Variants in BRMS1 observed in about 807,000 individuals in gnomAD.
The protein encoded by BRMS1 is BRMS1 transcriptional repressor and anoikis regulator, also known as breast cancer metastasis-suppressor 1.
BRMS1 carries 26 observed loss-of-function variants against 40.4 expected under a neutral mutation model. The ratio of observed to expected loss-of-function variants is 0.64; its 90% CI spans 0.47 to 0.89. The LOEUF is 0.89. Ranked by LOEUF, BRMS1 falls within the 40% of genes least tolerant of loss-of-function variation. BRMS1 has a pLI of 0.00. For synonymous variants in BRMS1, 103 were observed against 116.0 expected, an observed-to-expected ratio of 0.89 and a Z score of 0.72; for missense variants, 289 against 309.4, an observed-to-expected ratio of 0.93 and a Z score of 0.49.
chr11:66,338,277 C>T lies in BRMS1; in HGVS notation c.699G>A (p.Arg233=). The change falls in exon 9 of 10, where the codon AGG becomes AGA. Residue 233 remains arginine (R), a synonymous_variant. Coordinates refer to ENST00000359957, the MANE Select transcript of BRMS1 (RefSeq NM_015399.4). ...TTCTCTTCTGAGGGGACACAGCTGC[C>T]CTAGCCTGGGTGGGTGAGAAGAAAA... ...LEDWTAIKKA[R]AAVSPQKRKS... The T allele has an allele frequency of 6.2e-7, 1 of 1,610,208 alleles. No individual in the cohort carries two copies. The highest frequency in any genetic ancestry group is 1.1e-5 in the South Asian group (1 of 90,118).
intron 9 of BRMS1, 130 bp from the exon 10 acceptor site, chr11:66,338,019 C>T: frequency 8.3e-7 from 1 of 1,209,342 alleles, no homozygotes; most frequent in Non-Finnish European, 1.2e-6. Flanking sequence ...CCTCCCTGAC[C>T]CCTCCTGAGT....
chr11:66,340,301 T>C, intron 6 of BRMS1, 88 bp from the exon 7 acceptor site: 2 of 1,169,494 alleles, frequency 1.7e-6, no homozygotes, highest in Non-Finnish European at 2.5e-6. Context: ...TGGGCCGGCC[T>C]GGCCTCATCT....
At position 66,337,772 on chromosome 11, in the gene BRMS1, C is replaced by T. The variant is rs1486035948; in HGVS notation, c.*110G>A. On this transcript the variant is annotated 3_prime_UTR_variant, in exon 10 of 10. Transcript: ENST00000359957. ...GCCCAGCAGCACCACAGGAGCCTGG[C>T]TGGGCAGACCCTGAGGGGCCTGTGG... is the stretch of plus-strand genomic sequence containing the variant. The T allele has an allele frequency of 6.2e-7, 1 of 1,613,648 alleles. No homozygotes were observed. Among genetic ancestry groups the T allele is most frequent in the Non-Finnish European group, 8.5e-7 (1 of 1,179,872 alleles).
Position 66,340,218 on chromosome 11 carries a change from C to T in BRMS1, c.536-5G>A. 6.2e-7 allele frequency: 1 copy of T among 1,612,720 alleles called. No individual in the cohort carries two copies. The highest frequency in any genetic ancestry group is 8.5e-7 in the Non-Finnish European group (1 of 1,179,244). ...GCAGTTTGTCATCCCACCATTCTGC[C>T]CCGAGACCCAGAGTTAGAATTGGGG... is the stretch of plus-strand genomic sequence containing the variant. On this transcript the variant is annotated splice_region_variant and splice_polypyrimidine_tract_variant and intron_variant, in intron 6 of 9. Transcript: ENST00000359957.
chr11:66,342,047 G>A lies in BRMS1; in HGVS notation c.139+49C>T, dbSNP rs545331831. The A allele has an allele frequency of 6.0e-6, 9 of 1,504,360 alleles. 1 individual carries two copies. In the African/African-American group the frequency reaches 9.7e-5, roughly 16 times the overall value. 93.2% of individuals were successfully genotyped at this position (1,504,360 alleles called of 1,614,324 possible). On this transcript the variant is annotated intron_variant, in intron 2 of 9. Transcript: ENST00000359957. ...GGGCTGTGTGTGTGCATGTGTGTGT[G>A]TAGGGGCTCTGTGTGTGTGTGTGTG...
rs138145587 is a variant in BRMS1, at chr11:66,341,547, C to T, written c.216G>A (p.Ser72=). The part of the protein sequence containing the change: ...SEMLDLEKQF[S]ELKEKLFRER... ...CCCACGCTCACTTCTCCTTTAGCTC[C>T]GAGAACTGCTTCTCTAGGTCCAGCA... Residue 72 remains serine (S), a synonymous_variant, in exon 3 of 10, where the codon TCG becomes TCA. Transcript: ENST00000359957. This position sits in a 1 kb window ranked among gnomAD's most constrained non-coding sequence, Gnocchi z 4.9. 16 of 1,614,062 alleles carry T rather than the reference C, an allele frequency of 9.9e-6. No individual in the cohort carries two copies. The highest frequency in any genetic ancestry group is 4.5e-5 in the East Asian group (2 of 44,870).
rs775679389 is a variant in BRMS1 at position 66,342,115 on chromosome 11, CTCTG to C, written c.116_119del (p.Thr39SerfsTer28). On this transcript the variant is annotated frameshift_variant, in exon 2 of 10. Transcript: ENST00000359957. LOFTEE classifies it high-confidence loss of function. ...GCTCACCGGAGCTCTCCTCTTCTGACTCTGTCTGGCTGCCGCTCCGCTCCTCCTC... is the reference window on the plus strand; with the variant it reads ...GCTCACCGGAGCTCTCCTCTTCTGACTCTGGCTGCCGCTCCGCTCCTCCTC... 9 of 1,613,344 alleles carry C rather than the reference CTCTG, an allele frequency of 5.6e-6. No homozygotes were observed. The highest frequency in any genetic ancestry group is 4.5e-5 in the East Asian group (2 of 44,890).
chr11:66,338,249 A>G lies in BRMS1; in HGVS notation c.727T>C (p.Ser243Pro), dbSNP rs753485547. 7 of 1,611,488 alleles carry G rather than the reference A, an allele frequency of 4.3e-6. No individual in the cohort carries two copies. The Admixed American group carries it at 5.0e-5, about 12-fold the overall frequency. Reference sequence around the variant, plus strand: ...CAACAGCCATGGTTCTTACCATCCGATTTTCTCTTCTGAGGGGACACAGCT... The same window carrying G: ...CAACAGCCATGGTTCTTACCATCCGGTTTTCTCTTCTGAGGGGACACAGCT... ...RAAVSPQKRKSDGP is the reference protein window; with the variant it reads ...RAAVSPQKRKPDGP The change falls in exon 9 of 10, where the codon TCG becomes CCG. Residue 243 changes from serine to proline, a missense_variant. Ser to Pro is a moderately conservative substitution (Grantham distance 74). Transcript: ENST00000359957.
intron 1 of BRMS1, among the ~76,000 whole-genome samples, chr11:66,342,992 C>T (rs935792900): frequency 1.3e-5 from 2 of 152,244 alleles, no homozygotes; most frequent in African/African-American, 4.8e-5. Context: ...GTGCTCCCCT[C>T]TCTTTTCTGT....
chr11:66,341,692 G>T lies in BRMS1; in HGVS notation c.140-69C>A. 7.7e-7 allele frequency: 1 copy of T among 1,304,476 alleles called. No individual in the cohort carries two copies. The highest frequency in any genetic ancestry group is 1.1e-6 in the Non-Finnish European group (1 of 901,636). 80.8% of individuals were successfully genotyped at this position (1,304,476 alleles called of 1,614,324 possible). A position where few individuals can be genotyped will look rare whatever the true frequency, so the allele number is the denominator to read the frequency against. On this transcript the variant is annotated intron_variant, in intron 2 of 9. Transcript: ENST00000359957. This position sits in a 1 kb window ranked among gnomAD's most constrained non-coding sequence, Gnocchi z 4.9. ...TGGGTACCCGCATGTGTGCATGTGC[G>T]TCCTGCATGTGTGTGTGTGCATGCA...
chr11:66,341,690 G>A lies in BRMS1; in HGVS notation c.140-67C>T. On this transcript the variant is annotated intron_variant, in intron 2 of 9. Transcript: ENST00000359957. The surrounding 1 kb of genome is among the most constrained non-coding windows in gnomAD (Gnocchi z 4.9). ...GGTGGGTACCCGCATGTGTGCATGT[G>A]CGTCCTGCATGTGTGTGTGTGCATG... 1 of 1,333,248 alleles carries A rather than the reference G, an allele frequency of 7.5e-7. No homozygotes were observed. Among genetic ancestry groups the A allele is most frequent in the Non-Finnish European group, 1.1e-6 (1 of 927,316 alleles). 82.6% of individuals were successfully genotyped at this position (1,333,248 alleles called of 1,614,324 possible).
rs371515355 is a variant in BRMS1, at chr11:66,338,680, C to T, written c.693+41G>A. On this transcript the variant is annotated intron_variant, in intron 8 of 9. Coordinates refer to ENST00000359957, the MANE Select transcript of BRMS1 (RefSeq NM_015399.4). The stretch of plus-strand genomic sequence containing the variant: ...CAGAGCTGCTGCCAGGGTGGGGGGC[C>T]CTGAGGTGGGGCAGGTCACGTGGGC... 5.0e-6 allele frequency: 8 copies of T among 1,613,378 alleles called. No individual in the cohort carries two copies. In the African/African-American group the frequency reaches 9.3e-5, roughly 19 times the overall value.
At chr11:66,342,270 T>C (rs368457343) in intron 1 of BRMS1, 29 bp from the exon 2 acceptor site, 224 of 1,608,266 alleles carry the variant, frequency 1.4e-4, no homozygotes, top group Non-Finnish European at 1.7e-4. Flanking sequence ...CTATCACTTA[T>C]GGCTGCCCAC....
intron 7 of BRMS1, among the ~76,000 whole-genome samples, chr11:66,339,109 AG>A (rs1855008366): frequency 6.6e-6 from 1 of 152,108 alleles, no homozygotes; most frequent in African/African-American, 2.4e-5. Context: ...AGACAGACGC[AG>A]GGCTTATCCC....
chr11:66,340,911 A>G (rs558594650), intron 5 of BRMS1, 41 bp from the exon 6 acceptor site: 1 of 1,613,564 alleles, frequency 6.2e-7, no homozygotes, highest in African/African-American at 1.3e-5. Context: ...GGATGGGGTG[A>G]GGCCACTTCA....
chr11:66,339,394 C>CCT (rs1246342535), intron 7 of BRMS1, among the ~76,000 whole-genome samples: 1 of 152,198 alleles, frequency 6.6e-6, no homozygotes, highest in Non-Finnish European at 1.5e-5. Context: ...CAGCCAGTGC[C>CCT]CTCTGGGATG....
chr11:66,341,820 G>A lies in BRMS1; in HGVS notation c.140-197C>T, dbSNP rs538550280. 22 of 669,740 alleles carry A rather than the reference G, an allele frequency of 3.3e-5. No homozygotes were observed. Among genetic ancestry groups the A allele is most frequent in the African/African-American group, 1.8e-4 (10 of 56,442 alleles). The allele number at this position is 669,740 out of a possible 1,614,324, so 41.5% of individuals were successfully genotyped here. A position where few individuals can be genotyped will look rare whatever the true frequency, so the allele number is the denominator to read the frequency against. On this transcript the variant is annotated intron_variant, in intron 2 of 9. Transcript: ENST00000359957. This position sits in a 1 kb window ranked among gnomAD's most constrained non-coding sequence, Gnocchi z 4.9. ...GTGTAGGGGCTGTGTGTGCATATGC[G>A]TGCGTGCTTGTGTGAAGGGGCTGTG...
In BRMS1 at chr11:66,341,755, T is replaced by A; in HGVS notation, c.140-132A>T. ...GGGCCTGTGTGTGTGTGCGCGTACA[T>A]GCTTGTGTGAAGGGGCTGTGTGTGT... On this transcript the variant is annotated intron_variant, in intron 2 of 9. Coordinates refer to ENST00000359957, the MANE Select transcript of BRMS1 (RefSeq NM_015399.4). The surrounding 1 kb of genome is among the most constrained non-coding windows in gnomAD (Gnocchi z 4.9). 1 of 821,524 alleles carries A rather than the reference T, an allele frequency of 1.2e-6. No individual in the cohort carries two copies. Among genetic ancestry groups the A allele is most frequent in the Admixed American group, 1.8e-5 (1 of 55,276 alleles). The allele number at this position is 821,524 out of a possible 1,614,324, so 50.9% of individuals were successfully genotyped here.
At position 66,342,185 on chromosome 11, in the gene BRMS1, C is replaced by T; in HGVS notation, c.50G>A (p.Gly17Asp). 1.2e-6 allele frequency: 2 copies of T among 1,613,850 alleles called. No homozygotes were observed. The highest frequency in any genetic ancestry group is 1.7e-6 in the Non-Finnish European group (2 of 1,179,974). ...CCCATTCATCTCAGCAGCAGAATCA[C>T]CCTCTGCTTCCATCTCTTCTGTGTC... is the stretch of plus-strand genomic sequence containing the variant. ...SKDTEEMEAE[G>D]DSAAEMNGEE... The change falls in exon 2 of 10, where the codon GGT (glycine) becomes GAT (aspartate). Residue 17 changes from glycine (G) to aspartate (D), a missense_variant. Coordinates refer to ENST00000359957, the MANE Select transcript of BRMS1 (RefSeq NM_015399.4).
Sources: allele counts gnomAD v4.1 joint callset (sites outside exome capture counted in the v4.1 genomes callset), GRCh38; gene constraint gnomAD v4.1.1; non-coding constraint Gnocchi (gnomAD v3.1); transcripts MANE v1.5; gene names NCBI Gene and HGNC (gene_info 2026-07-23, HGNC 2026-07-21).